Variants in AKR1C8 observed in about 807,000 individuals in gnomAD.
The protein encoded by AKR1C8 is aldo-keto reductase family 1 member C8, also known as aldo-keto reductase family 1 member C-like protein 1.
At chr10:5,154,757 CT>C in the AKR1C8 span, 1 of 152,476 alleles carries the variant, frequency 6.6e-6, no homozygotes, top group Admixed American at 6.5e-5. Flanking sequence ...ATTTCCCCTG[CT>C]TCTAAACTTT....
At chr10:5,120,800 A>C in the AKR1C8 span, among the ~76,000 whole-genome samples, 2 of 151,854 alleles carry the variant, frequency 1.3e-5, no homozygotes, top group African/African-American at 4.8e-5. Context: ...CATAATTAAA[A>C]TTTTTTCCCT....
At chr10:5,167,015 C>CA in the AKR1C8 span, among the ~76,000 whole-genome samples, 7 of 151,826 alleles carry the variant, frequency 4.6e-5, no homozygotes, top group African/African-American at 1.7e-4. Context: ...TTTATGCAGC[C>CA]AAAAGACACA....
chr10:5,140,996 T>C, the AKR1C8 span, among the ~76,000 whole-genome samples: 1 of 152,174 alleles, frequency 6.6e-6, no homozygotes, highest in Non-Finnish European at 1.5e-5. Context: ...AAGATTTCTC[T>C]GTAGAGAGAT....
At chr10:5,145,331 A>C in the AKR1C8 span, among the ~76,000 whole-genome samples, 2 of 152,102 alleles carry the variant, frequency 1.3e-5, no homozygotes, top group African/African-American at 2.4e-5. Context: ...GCAACAAAAG[A>C]CAAAATTGAC....
the AKR1C8 span, among the ~76,000 whole-genome samples, chr10:5,152,823 G>T: frequency 6.6e-6 from 1 of 152,110 alleles, no homozygotes; most frequent in African/African-American, 2.4e-5. Context: ...AGTGCAAAGG[G>T]AAAATTTTCT....
the AKR1C8 span, among the ~76,000 whole-genome samples, chr10:5,145,934 A>T: frequency 6.6e-6 from 1 of 152,010 alleles, no homozygotes; most frequent in African/African-American, 2.4e-5. Context: ...AATAGCAAAG[A>T]CTTGGAACCA....
chr10:5,143,533 C>T, the AKR1C8 span, among the ~76,000 whole-genome samples: 4,867 of 152,006 alleles, frequency 0.032, 255 homozygotes, highest in African/African-American at 0.11. Flanking sequence ...TGCTTGGTAG[C>T]GCTTTTCAGA....
At chr10:5,168,958 T>C in the AKR1C8 span, among the ~76,000 whole-genome samples, 1 of 152,130 alleles carries the variant, frequency 6.6e-6, no homozygotes, top group African/African-American at 2.4e-5. Context: ...TCAGCCTTTA[T>C]GGAAAGGCTG....
chr10:5,169,602 T>A, the AKR1C8 span, among the ~76,000 whole-genome samples: 1 of 151,966 alleles, frequency 6.6e-6, no homozygotes, highest in African/African-American at 2.4e-5. Flanking sequence ...TTTTTTTTTA[T>A]TGTTAGTAAC....
the AKR1C8 span, among the ~76,000 whole-genome samples, chr10:5,171,362 A>T: frequency 6.6e-6 from 1 of 152,096 alleles, no homozygotes. Flanking sequence ...TTAACATAAC[A>T]ATTATAATTA....
At chr10:5,180,465 A>AC in the AKR1C8 span, among the ~76,000 whole-genome samples, 910 of 152,320 alleles carry the variant, frequency 6.0e-3, 5 homozygotes, top group African/African-American at 0.02. Context: ...CTGTTCTCAG[A>AC]GCTCCAGCTG....
At chr10:5,139,970 T>C in the AKR1C8 span, among the ~76,000 whole-genome samples, 1 of 151,804 alleles carries the variant, frequency 6.6e-6, no homozygotes, top group Non-Finnish European at 1.5e-5. Context: ...AACAACCTCA[T>C]CAAAAAGTGG....
chr10:5,172,882 G>C, the AKR1C8 span, among the ~76,000 whole-genome samples: 19 of 152,140 alleles, frequency 1.2e-4, no homozygotes, highest in African/African-American at 4.3e-4. Flanking sequence ...AGAAGATCTA[G>C]TAGTTATAAG....
At chr10:5,144,581 G>A in the AKR1C8 span, among the ~76,000 whole-genome samples, 1 of 151,402 alleles carries the variant, frequency 6.6e-6, no homozygotes, top group African/African-American at 2.4e-5. Flanking sequence ...CCTTGAAAAG[G>A]TCCTTCACAT....
the AKR1C8 span, among the ~76,000 whole-genome samples, chr10:5,180,139 C>T: frequency 2.6e-5 from 4 of 152,196 alleles, 1 homozygote; most frequent in South Asian, 8.3e-4. Flanking sequence ...TGGTGATGCA[C>T]AGATGGGCTT....
At chr10:5,156,776 A>G in the AKR1C8 span, among the ~76,000 whole-genome samples, 1 of 152,226 alleles carries the variant, frequency 6.6e-6, no homozygotes, top group Non-Finnish European at 1.5e-5. Context: ...ACAAGTTAAT[A>G]TACTTAATCT....
chr10:5,159,933 C>A, the AKR1C8 span: 2 of 517,266 alleles, frequency 3.9e-6, no homozygotes, highest in South Asian at 2.9e-5. Flanking sequence ...AGGATGAGTT[C>A]CAGCAGCTTG....
the AKR1C8 span, among the ~76,000 whole-genome samples, chr10:5,142,105 G>T: frequency 6.6e-6 from 1 of 151,832 alleles, no homozygotes; most frequent in African/African-American, 2.4e-5. Flanking sequence ...GCTTTATTTT[G>T]CACTTTTTTG....
chr10:5,157,071 A>G, the AKR1C8 span, among the ~76,000 whole-genome samples: 3 of 152,212 alleles, frequency 2.0e-5, no homozygotes, highest in African/African-American at 7.2e-5. Context: ...TGCTAGAGTC[A>G]CTGCCAGGGG....
Sources: gnomAD v4.1 joint callset for allele counts (sites outside exome capture counted in the v4.1 genomes callset) on GRCh38, gnomAD v4.1.1 for gene constraint, MANE v1.5 for transcripts, NCBI Gene and HGNC (gene_info 2026-07-23, HGNC 2026-07-21) for gene names.